The following GALNTL6 variants were observed in gnomAD, a reference collection of about 807,000 sequenced individuals.
The protein encoded by GALNTL6 is polypeptide N-acetylgalactosaminyltransferase like 6.
A neutral mutation model predicts 73.7 loss-of-function variants in GALNTL6; 46 were observed. The ratio of observed to expected loss-of-function variants is 0.62; its 90% CI spans 0.49 to 0.80. GALNTL6 has a LOEUF of 0.80. Among genes scored for constraint, GALNTL6 ranks in the 30% least tolerant of loss-of-function variants. GALNTL6 has a pLI of 0.00. For missense variants in GALNTL6, 604 were observed against 755.0 expected (o/e 0.80, Z 2.34); for synonymous variants, 259 against 263.7 (o/e 0.98, Z 0.17).
chr4:173,023,763 A>G (rs1270948896), intron 12 of GALNTL6, among the ~76,000 whole-genome samples: 1 of 152,192 alleles, frequency 6.6e-6, no homozygotes, highest in African/African-American at 2.4e-5. Context: ...AAGCTGGGGG[A>G]ATATCACTGC....
chr4:171,894,667 G>A (rs1021048507), intron 2 of GALNTL6, among the ~76,000 whole-genome samples: 2 of 152,106 alleles, frequency 1.3e-5, no homozygotes, highest in Non-Finnish European at 2.9e-5. Flanking sequence ...TGGCCCAACT[G>A]TTTCTTTTAA....
intron 5 of GALNTL6, among the ~76,000 whole-genome samples, chr4:172,419,653 T>G (rs994192750): frequency 6.6e-6 from 1 of 152,166 alleles, no homozygotes; most frequent in Non-Finnish European, 1.5e-5. Flanking sequence ...TAACTAAAAT[T>G]GCAATGAGAA....
chr4:172,097,148 T>C (rs896803913), intron 2 of GALNTL6, among the ~76,000 whole-genome samples: 2 of 152,208 alleles, frequency 1.3e-5, no homozygotes, highest in Non-Finnish European at 2.9e-5. Context: ...ATAACCTTCC[T>C]GTTTTTGGTC....
intron 3 of GALNTL6, among the ~76,000 whole-genome samples, chr4:172,247,589 C>G (rs182794538): frequency 8.5e-4 from 130 of 152,230 alleles, no homozygotes; most frequent in African/African-American, 2.8e-3. Context: ...CTTGCTTTCT[C>G]TAATCCACTA....
chr4:172,111,904 A>G (rs1732862290), intron 2 of GALNTL6, among the ~76,000 whole-genome samples: 1 of 152,020 alleles, frequency 6.6e-6, no homozygotes, highest in African/African-American at 2.4e-5. Context: ...GTCATGTTTG[A>G]TAAACCTATA....
intron 2 of GALNTL6, among the ~76,000 whole-genome samples, chr4:171,838,499 C>T (rs1462205299): frequency 2.0e-5 from 3 of 152,120 alleles, no homozygotes; most frequent in Non-Finnish European, 4.4e-5. Context: ...TCTCTCTCTT[C>T]TCCCTTCACT....
rs760821281 is a variant in GALNTL6, at chr4:171,814,777, G to A, written c.138+59G>A. 25 of 1,570,312 alleles carry A rather than the reference G, an allele frequency of 1.6e-5. No homozygotes were observed. In the South Asian group the frequency reaches 2.7e-4, roughly 17 times the overall value. ...TTGGTAAGGCAGTGATCCTCGCGCGGGGACTCGAGAAAGCCGGTGTGGGAT... is the reference window on the plus strand; with the variant it reads ...TTGGTAAGGCAGTGATCCTCGCGCGAGGACTCGAGAAAGCCGGTGTGGGAT... On this transcript the variant is annotated intron_variant, in intron 2 of 12. Transcript: ENST00000506823.
At chr4:172,224,997 G>A (rs1177286200) in intron 2 of GALNTL6, among the ~76,000 whole-genome samples, 1 of 152,058 alleles carries the variant, frequency 6.6e-6, no homozygotes, top group African/African-American at 2.4e-5. Context: ...TGATATCACA[G>A]TGAATAAAAA....
intron 5 of GALNTL6, among the ~76,000 whole-genome samples, chr4:172,645,324 T>G (rs1740188711): frequency 6.6e-6 from 1 of 152,066 alleles, no homozygotes. Flanking sequence ...GTTTTATTTT[T>G]TCTGCCTTTT....
At chr4:172,908,162 C>A (rs896385965) in intron 8 of GALNTL6, among the ~76,000 whole-genome samples, 1 of 152,166 alleles carries the variant, frequency 6.6e-6, no homozygotes, top group African/African-American at 2.4e-5. Flanking sequence ...CTATTCAGAA[C>A]AACACACAAT....
chr4:173,040,168 G>A lies in GALNTL6; in HGVS notation c.*68G>A, dbSNP rs190728783. 97 of 1,205,318 alleles carry A rather than the reference G, an allele frequency of 8.0e-5. No homozygotes were observed. In the Middle Eastern group the frequency reaches 8.5e-4, roughly 11 times the overall value. The allele number at this position is 1,205,318 out of a possible 1,614,324, so 74.7% of individuals were successfully genotyped here. On this transcript the variant is annotated 3_prime_UTR_variant, in exon 13 of 13. Coordinates refer to ENST00000506823, the MANE Select transcript of GALNTL6 (RefSeq NM_001034845.3). ...TTAAATTTTAGCCAGCATCTGGGTC[G>A]AAGGAGTCAGGAATAACATTTCCTC...
rs183340099 is a variant in GALNTL6, at chr4:172,165,846, C to T, written c.139-63810C>T. Among the ~76,000 whole-genome samples, 213 of 152,174 alleles carry T rather than the reference C, an allele frequency of 1.4e-3. 1 individual carries two copies. The highest frequency in any genetic ancestry group is 2.0e-3 in the Non-Finnish European group (139 of 68,014). On this transcript the variant is annotated intron_variant, in intron 2 of 12. Coordinates refer to ENST00000506823, the MANE Select transcript of GALNTL6 (RefSeq NM_001034845.3). Reference sequence around the variant, plus strand: ...TTTTCTTATTGCTAATGAGCACATGCTGCTTCATAGGAGTGATCAGTGTGT... The same window carrying T: ...TTTTCTTATTGCTAATGAGCACATGTTGCTTCATAGGAGTGATCAGTGTGT...
At chr4:172,245,679 CA>C (rs1359375870) in intron 3 of GALNTL6, among the ~76,000 whole-genome samples, 1 of 152,140 alleles carries the variant, frequency 6.6e-6, no homozygotes, top group African/African-American at 2.4e-5. Flanking sequence ...AGTACTTGAA[CA>C]TCCTCCAAAA....
chr4:172,074,132 C>T (rs1731633793), intron 2 of GALNTL6, among the ~76,000 whole-genome samples: 2 of 152,116 alleles, frequency 1.3e-5, no homozygotes, highest in African/African-American at 2.4e-5. Flanking sequence ...TAGGAATAAG[C>T]CCTAAATACT....
chr4:172,413,372 C>T (rs779614493), intron 5 of GALNTL6, among the ~76,000 whole-genome samples: 7 of 152,144 alleles, frequency 4.6e-5, no homozygotes, highest in Non-Finnish European at 7.4e-5. Flanking sequence ...CATAACATTG[C>T]CCTAGAGGCA....
intron 2 of GALNTL6, among the ~76,000 whole-genome samples, chr4:171,908,707 C>T (rs1371363757): frequency 4.9e-4 from 74 of 150,630 alleles, no homozygotes; most frequent in African/African-American, 1.5e-3. Flanking sequence ...ATGTTTATTG[C>T]GGCACTATTC....
chr4:172,329,882 G>A (rs1346063134), intron 4 of GALNTL6, among the ~76,000 whole-genome samples: 5 of 152,188 alleles, frequency 3.3e-5, no homozygotes, highest in African/African-American at 7.2e-5. Flanking sequence ...TGAAGAGAAA[G>A]CGAGGTCAGG....
chr4:172,395,602 C>G (rs1398699968), intron 5 of GALNTL6, among the ~76,000 whole-genome samples: 1 of 151,868 alleles, frequency 6.6e-6, no homozygotes, highest in African/African-American at 2.4e-5. Context: ...GATATCAGAC[C>G]TTTGACGAAA....
intron 7 of GALNTL6, among the ~76,000 whole-genome samples, chr4:172,842,695 C>G (rs1046352869): frequency 4.7e-5 from 7 of 150,342 alleles, no homozygotes; most frequent in Admixed American, 4.6e-4. Context: ...CTGTAGGTAA[C>G]ATAATGGACT....
Sources: allele counts gnomAD v4.1 joint callset (sites outside exome capture counted in the v4.1 genomes callset), GRCh38; gene constraint gnomAD v4.1.1; transcripts MANE v1.5; gene names NCBI Gene and HGNC (gene_info 2026-07-23, HGNC 2026-07-21).